Variants in DNAJC1 observed in about 807,000 individuals in gnomAD.
DNAJC1 encodes dnaJ homolog subfamily C member 1.
In DNAJC1, 58 loss-of-function variants were observed where a neutral mutation model predicts 76.6. The observed-to-expected ratio is 0.76, with a 90% CI of 0.61 to 0.94. The LOEUF is 0.94. DNAJC1 is among the 40% of genes least tolerant of loss of function. The pLI is 0.00. For synonymous variants in DNAJC1, 258 were observed against 267.9 expected (o/e 0.96, Z 0.36); for missense variants, 689 against 677.3 (o/e 1.02, Z -0.19).
At chr10:21,765,844 A>T (rs1332085596) in intron 10 of DNAJC1, among the ~76,000 whole-genome samples, 1 of 29,248 alleles carries the variant, frequency 3.4e-5, no homozygotes, top group Non-Finnish European at 1.5e-4. Flanking sequence ...ACTCCGTCTC[A>T]AAAAAAAGGA....
chr10:21,920,039 T>C (rs956419781), intron 4 of DNAJC1, 110 bp from the exon 5 acceptor site: 12 of 647,196 alleles, frequency 1.9e-5, no homozygotes, highest in Admixed American at 1.2e-4. Flanking sequence ...TTTATGCAAA[T>C]GTATGTAGGG....
intron 1 of DNAJC1, among the ~76,000 whole-genome samples, chr10:21,960,936 A>C (rs1837780518): frequency 6.6e-6 from 1 of 152,234 alleles, no homozygotes; most frequent in South Asian, 2.1e-4. Context: ...ATTTTAATAG[A>C]TATTTCTCCA....
intron 8 of DNAJC1, among the ~76,000 whole-genome samples, chr10:21,836,852 G>A: frequency 6.6e-6 from 1 of 152,124 alleles, no homozygotes; most frequent in Non-Finnish European, 1.5e-5. Context: ...CCTACAAAGA[G>A]ACTTAGACTC....
intron 1 of DNAJC1, among the ~76,000 whole-genome samples, chr10:21,941,046 T>TC (rs1837399745): frequency 7.2e-6 from 1 of 139,084 alleles, no homozygotes; most frequent in African/African-American, 2.7e-5. Context: ...GGTCAGGAGA[T>TC]CGAGACCATC....
In DNAJC1 at chr10:21,920,277, AAT is replaced by A. The variant is rs1326308104; in HGVS notation, c.538-350_538-349del. Among the ~76,000 whole-genome samples, 8 of 152,226 alleles carry A rather than the reference AAT, an allele frequency of 5.3e-5. 1 individual carries two copies. In the East Asian group the frequency reaches 9.6e-4, roughly 18 times the overall value. ...AGATGCTAATTCATGAATACTGATAAATATGTTTGATTATCTTTAACATATAA... is the reference window on the plus strand; with the variant it reads ...AGATGCTAATTCATGAATACTGATAAATGTTTGATTATCTTTAACATATAA... On this transcript the variant is annotated intron_variant, in intron 4 of 11. Transcript: ENST00000376980.
chr10:21,931,072 C>T (rs907469058), intron 1 of DNAJC1, among the ~76,000 whole-genome samples: 3 of 152,172 alleles, frequency 2.0e-5, no homozygotes, highest in African/African-American at 7.2e-5. Flanking sequence ...TTTTCTGCCA[C>T]CATATGTACC....
intron 6 of DNAJC1, among the ~76,000 whole-genome samples, chr10:21,913,954 T>C (rs1022911983): frequency 6.6e-6 from 1 of 152,176 alleles, no homozygotes; most frequent in Non-Finnish European, 1.5e-5. Flanking sequence ...CTCCCCCTGC[T>C]TCCTTGTATG....
intron 11 of DNAJC1, among the ~76,000 whole-genome samples, chr10:21,758,394 G>A (rs764441311): frequency 6.6e-6 from 1 of 152,178 alleles, no homozygotes; most frequent in Non-Finnish European, 1.5e-5. Context: ...TCTCTGCAGC[G>A]CCTCATGGCC....
rs1006607003 is a variant in DNAJC1 at position 21,756,553 on chromosome 10, TTTTA to T, written c.*130_*133del. 1.5e-4 allele frequency: 97 copies of T among 653,336 alleles called. 4 individuals carry two copies. The highest frequency in any genetic ancestry group is 5.8e-4 in the African/African-American group (32 of 55,022). 40.5% of individuals were successfully genotyped at this position (653,336 alleles called of 1,614,324 possible). On this transcript the variant is annotated 3_prime_UTR_variant, in exon 12 of 12. Coordinates refer to ENST00000376980, the MANE Select transcript of DNAJC1 (RefSeq NM_022365.4). ...TAAACAGTATAGCACAACACTCATCTTTTATTTATTTATTATTTTTTTTTACTAA... is the reference window on the plus strand; with the variant it reads ...TAAACAGTATAGCACAACACTCATCTTTTATTTATTATTTTTTTTTACTAA...
At position 21,904,596 on chromosome 10, in the gene DNAJC1, T is replaced by C. The variant is rs545492166; in HGVS notation, c.746A>G (p.Tyr249Cys). ...CAATCTTGTTTCTTTATATTTAGCATAAAACTGCCCAGCATCCTTAAGAAA... is the reference window on the plus strand; with the variant it reads ...CAATCTTGTTTCTTTATATTTAGCACAAAACTGCCCAGCATCCTTAAGAAA... ...PHLIQDAGQF[Y>C]AKYKETRLKE... Residue 249 changes from tyrosine (Y) to cysteine (C), a missense_variant, in exon 7 of 12, where the codon TAT becomes TGT. Physicochemically the swap from Tyr to Cys is radical, Grantham distance 194 (BLOSUM62 -2). Coordinates refer to ENST00000376980, the MANE Select transcript of DNAJC1 (RefSeq NM_022365.4). The C allele has an allele frequency of 1.3e-5, 21 of 1,604,466 alleles. No individual in the cohort carries two copies. The highest frequency in any genetic ancestry group is 3.4e-5 in the Admixed American group (2 of 58,974).
Position 21,941,635 on chromosome 10 carries a change from GTTTGT to G in DNAJC1, c.223-12499_223-12495del, listed in dbSNP as rs200197479. 7.7e-3 allele frequency among the ~76,000 whole-genome samples: 1,176 copies of G among 151,848 alleles called. 16 individuals carry two copies. The highest frequency in any genetic ancestry group is 0.024 in the African/African-American group (976 of 41,512). ...TCATTAAACTATTCTCTCTACTACTGTTTGTTTTAAGTTTTTCATAATAAAAAAGT... is the reference window on the plus strand; with the variant it reads ...TCATTAAACTATTCTCTCTACTACTGTTTAAGTTTTTCATAATAAAAAAGT... On this transcript the variant is annotated intron_variant, in intron 1 of 11. Transcript: ENST00000376980.
At chr10:21,775,776 T>C (rs1834447909) in intron 9 of DNAJC1, among the ~76,000 whole-genome samples, 1 of 152,196 alleles carries the variant, frequency 6.6e-6, no homozygotes, top group African/African-American at 2.4e-5. Context: ...TAGCCTCGTC[T>C]TGGGAGAAGA....
chr10:21,963,844 T>C (rs1403621340), intron 1 of DNAJC1, among the ~76,000 whole-genome samples: 1 of 152,216 alleles, frequency 6.6e-6, no homozygotes, highest in Non-Finnish European at 1.5e-5. Context: ...GTCTTTTTGC[T>C]TTTTTGTTTC....
At chr10:21,992,970 G>A (rs953492267) in intron 1 of DNAJC1, among the ~76,000 whole-genome samples, 9 of 152,160 alleles carry the variant, frequency 5.9e-5, no homozygotes, top group African/African-American at 1.2e-4. Context: ...TATTGATTTC[G>A]TCTCTATCTA....
At chr10:21,999,033 A>G (rs1838469412) in intron 1 of DNAJC1, among the ~76,000 whole-genome samples, 1 of 152,208 alleles carries the variant, frequency 6.6e-6, no homozygotes, top group Non-Finnish European at 1.5e-5. Context: ...CTTAGAGAGT[A>G]ACTGAGTTAT....
chr10:21,972,235 T>G (rs138230858), intron 1 of DNAJC1, among the ~76,000 whole-genome samples: 66 of 152,146 alleles, frequency 4.3e-4, no homozygotes, highest in African/African-American at 1.3e-3. Context: ...TAAATGTTTA[T>G]TCTCAATTTC....
chr10:21,830,188 T>C (rs1011635788), intron 8 of DNAJC1, among the ~76,000 whole-genome samples: 5 of 152,228 alleles, frequency 3.3e-5, no homozygotes, highest in African/African-American at 1.2e-4. Context: ...GATTTCCCTG[T>C]TTTGTCACAA....
chr10:21,954,663 A>G (rs16921965), intron 1 of DNAJC1, among the ~76,000 whole-genome samples: 19,632 of 152,184 alleles, frequency 0.13, 1,562 homozygotes, highest in East Asian at 0.24. Context: ...TTGATGTTAT[A>G]TAATTGGTTA....
At chr10:21,878,232 T>C (rs959786494) in intron 8 of DNAJC1, among the ~76,000 whole-genome samples, 1 of 152,206 alleles carries the variant, frequency 6.6e-6, no homozygotes, top group African/African-American at 2.4e-5. Context: ...AGAACCCAGA[T>C]AGATCACATT....
Sources: gnomAD v4.1 joint callset for allele counts (sites outside exome capture counted in the v4.1 genomes callset) on GRCh38, gnomAD v4.1.1 for gene constraint, MANE v1.5 for transcripts, NCBI Gene and HGNC (gene_info 2026-07-23, HGNC 2026-07-21) for gene names.